USP25: variants seen among roughly 807,000 people sequenced by gnomAD.
The protein encoded by USP25 is ubiquitin specific peptidase 25.
A neutral mutation model predicts 158.5 loss-of-function variants in USP25; 85 were observed. The ratio of observed to expected loss-of-function variants is 0.54; its 90% confidence interval spans 0.45 to 0.64. The LOEUF (loss-of-function observed/expected upper bound fraction) is 0.64. Among genes scored for constraint, USP25 ranks in the 30% least tolerant of loss-of-function variants. USP25 has a pLI of 0.00. For synonymous variants in USP25, 464 were observed against 460.4 expected (o/e 1.01, Z -0.10); for missense variants, 1,242 against 1,327.3 (o/e 0.94, Z 1.00).
intron 14 of USP25, 31 bp downstream of exon 14, chr21:15,827,234 C>A: frequency 1.3e-6 from 2 of 1,531,010 alleles, no homozygotes; most frequent in Non-Finnish European, 9.0e-7. Context: ...TGGTTACTGT[C>A]ACCTCAGATG....
rs1422712025 is a variant in USP25 at position 15,823,947 on chromosome 21, A to G, written c.1081-92A>G. On this transcript the variant is annotated intron_variant, in intron 10 of 25. Transcript: ENST00000400183. ...GGTCCGCATTGTGGTGATACATATAACAATGTCAGTGCCCACATCCTGTGC... is the reference window on the plus strand; with the variant it reads ...GGTCCGCATTGTGGTGATACATATAGCAATGTCAGTGCCCACATCCTGTGC... The G allele has an allele frequency of 2.3e-6, 3 of 1,288,634 alleles. No individual in the cohort carries two copies. The East Asian group carries it at 7.5e-5, about 32-fold the overall frequency. 79.8% of individuals were successfully genotyped at this position (1,288,634 alleles called of 1,614,324 possible).
At chr21:15,759,020 C>T (rs561565716) in intron 1 of USP25, among the ~76,000 whole-genome samples, 1 of 152,150 alleles carries the variant, frequency 6.6e-6, no homozygotes, top group South Asian at 2.1e-4. Context: ...TCCTTGGGTA[C>T]TAAGTAATTT....
chr21:15,846,805 G>C (rs2038640709), intron 18 of USP25, among the ~76,000 whole-genome samples: 1 of 152,102 alleles, frequency 6.6e-6, no homozygotes. Context: ...AAATAAGTAT[G>C]TAAACATCTG....
chr21:15,776,604 A>G (rs184731965), intron 3 of USP25, among the ~76,000 whole-genome samples: 124 of 151,610 alleles, frequency 8.2e-4, no homozygotes, highest in African/African-American at 3.0e-3. Context: ...CTAAAATTGT[A>G]TGATTACAAA....
In USP25 at chr21:15,874,826, A is replaced by G. The variant is rs557542636; in HGVS notation, c.3009+300A>G. 9.9e-5 allele frequency among the ~76,000 whole-genome samples: 15 copies of G among 151,922 alleles called. No individual in the cohort carries two copies. The East Asian group carries it at 2.9e-3, about 29-fold the overall frequency. The stretch of plus-strand genomic sequence containing the variant: ...CTACCACTCCTTTTTTTGGTGGGAG[A>G]GGAAGGGATGCATAGATAAGCCTTA... On this transcript the variant is annotated intron_variant, in intron 24 of 25. Coordinates refer to ENST00000400183, the MANE Select transcript of USP25 (RefSeq NM_001283041.3).
At chr21:15,735,455 A>AT (rs148658331) in intron 1 of USP25, among the ~76,000 whole-genome samples, 1,926 of 152,314 alleles carry the variant, frequency 0.013, 36 homozygotes, top group African/African-American at 0.042. Context: ...GGATGTGTGG[A>AT]TGTGTAAGTT....
chr21:15,817,058 G>T (rs1338682458), intron 9 of USP25, among the ~76,000 whole-genome samples: 1 of 150,578 alleles, frequency 6.6e-6, no homozygotes, highest in Admixed American at 6.6e-5. Flanking sequence ...CTGGAACTCA[G>T]GAGGCGGAGT....
intron 15 of USP25, 37 bp from the exon 16 acceptor site, chr21:15,831,364 A>G (rs751656921): frequency 1.9e-6 from 3 of 1,589,428 alleles, no homozygotes; most frequent in South Asian, 1.1e-5. Context: ...AGTAAACTAC[A>G]TAATTGCAGT....
rs767343252 is a variant in USP25, at chr21:15,864,318, C to T, written c.2598C>T (p.Thr866=). The change falls in exon 21 of 26, where the codon ACC becomes ACT. Residue 866 remains threonine, a synonymous_variant. Coordinates refer to ENST00000400183, the MANE Select transcript of USP25 (RefSeq NM_001283041.3). ...TGGTTAAGTTGGCCCAAGAAGACAC[C>T]CCACCAGAAACCGATTATCGTTTAC... ...ARLVKLAQED[T]PPETDYRLHH... is the part of the protein sequence containing the mutation. The T allele has an allele frequency of 6.2e-7, 1 of 1,611,676 alleles. No individual in the cohort carries two copies. The highest frequency in any genetic ancestry group is 8.5e-7 in the Non-Finnish European group (1 of 1,179,290).
chr21:15,735,278 G>T (rs1425345838), intron 1 of USP25, among the ~76,000 whole-genome samples: 1 of 152,058 alleles, frequency 6.6e-6, no homozygotes. Flanking sequence ...ACCAGCTGTG[G>T]ATTGAAAATA....
Position 15,830,514 on chromosome 21 carries a change from A to G in USP25, c.1694-17A>G, listed in dbSNP as rs769100964. On this transcript the variant is annotated splice_polypyrimidine_tract_variant and intron_variant, in intron 14 of 25. Transcript: ENST00000400183. ...CACATTTGCTGTTAATCATTAAATG[A>G]CACCTTATATCCTTAGATTTGCAGG... is the stretch of plus-strand genomic sequence containing the variant. 8.2e-6 allele frequency: 13 copies of G among 1,585,578 alleles called. No individual in the cohort carries two copies. Among genetic ancestry groups the G allele is most frequent in the South Asian group, 2.4e-5 (2 of 85,096 alleles).
intron 8 of USP25, 84 bp downstream of exon 8, chr21:15,808,969 C>G (rs2036525261): frequency 2.0e-6 from 2 of 995,142 alleles, no homozygotes; most frequent in Non-Finnish European, 3.0e-6. Flanking sequence ...AATAAGAAAT[C>G]AAGACAGACT....
At chr21:15,842,569 C>T in intron 18 of USP25, 29 bp downstream of exon 18, 1 of 1,610,014 alleles carries the variant, frequency 6.2e-7, no homozygotes, top group Non-Finnish European at 8.5e-7. Context: ...GCTCTCTGAA[C>T]ATAGCCATGG....
chr21:15,830,734 A>G, intron 15 of USP25, 133 bp downstream of exon 15: 2 of 644,800 alleles, frequency 3.1e-6, no homozygotes, highest in South Asian at 2.5e-5. Context: ...ATTGTAAAAT[A>G]ATAAGGGCTT....
chr21:15,874,430 C>G lies in USP25; in HGVS notation c.2913C>G (p.Ile971Met), dbSNP rs370665684. ...ESYIDSLLFL[I>M]CAYQNNKELL... ...ATATAGATTCCTTGCTGTTCCTCAT[C>G]TGTGCTTATCAGAATAACAAAGAAC... The change falls in exon 24 of 26, where the codon ATC (isoleucine) becomes ATG (methionine). Residue 971 changes from isoleucine (I) to methionine (M), a missense_variant. Coordinates refer to ENST00000400183, the MANE Select transcript of USP25 (RefSeq NM_001283041.3). 12 of 1,608,622 alleles carry G rather than the reference C, an allele frequency of 7.5e-6. No homozygotes were observed. The highest frequency in any genetic ancestry group is 1.0e-5 in the Non-Finnish European group (12 of 1,176,962).
At chr21:15,798,915 T>C (rs1341388033) in intron 5 of USP25, among the ~76,000 whole-genome samples, 2 of 151,232 alleles carry the variant, frequency 1.3e-5, no homozygotes, top group African/African-American at 4.8e-5. Context: ...TTCTAAGATT[T>C]GAAACATTAT....
chr21:15,774,651 A>C (rs1008037820), intron 3 of USP25, among the ~76,000 whole-genome samples: 7 of 152,362 alleles, frequency 4.6e-5, no homozygotes, highest in African/African-American at 1.4e-4. Context: ...TACTCTGGAT[A>C]TATCGCAGAA....
Position 15,730,272 on chromosome 21 carries a change from C to G in USP25, c.-122C>G. The G allele has an allele frequency of 1.0e-6, 1 of 959,284 alleles. No individual in the cohort carries two copies. The highest frequency in any genetic ancestry group is 1.2e-6 in the Non-Finnish European group (1 of 805,252). The allele number at this position is 959,284 out of a possible 1,614,324, so 59.4% of individuals were successfully genotyped here. A position where few individuals can be genotyped will look rare whatever the true frequency, so the allele number is the denominator to read the frequency against. ...CGCCTTCGCGCCTGGCTGGCGGGGG[C>G]GCTGTCCTCCCAGGCCGTCCGCGCC... On this transcript the variant is annotated 5_prime_UTR_variant, in exon 1 of 26. Coordinates refer to ENST00000400183, the MANE Select transcript of USP25 (RefSeq NM_001283041.3).
At chr21:15,732,375 A>C (rs1255744762) in intron 1 of USP25, among the ~76,000 whole-genome samples, 1 of 152,244 alleles carries the variant, frequency 6.6e-6, no homozygotes, top group Non-Finnish European at 1.5e-5. Flanking sequence ...TACTCATATT[A>C]GAACTATTTA....
Sources: gnomAD v4.1 joint callset for allele counts (sites outside exome capture counted in the v4.1 genomes callset) on GRCh38, gnomAD v4.1.1 for gene constraint, MANE v1.5 for transcripts, NCBI Gene and HGNC (gene_info 2026-07-23, HGNC 2026-07-21) for gene names.